Variants in AGFG1 observed in about 807,000 individuals in gnomAD.
AGFG1 encodes the protein ArfGAP with FG repeats 1, also known as arf-GAP domain and FG repeat-containing protein 1.
AGFG1 carries 10 observed loss-of-function variants against 60.6 expected under a neutral mutation model. The ratio of observed to expected loss-of-function variants is 0.16; its 90% confidence interval spans 0.10 to 0.28. The LOEUF is 0.28. AGFG1 is among the 10% of genes least tolerant of loss of function. The pLI, the probability that AGFG1 is intolerant of heterozygous loss-of-function variation, is 1.00. For missense variants in AGFG1, 537 were observed against 676.5 expected (o/e 0.79, Z 2.29); for synonymous variants, 247 against 242.9 (o/e 1.02, Z -0.16).
At chr2:227,533,411 A>T (rs368411276) in intron 6 of AGFG1, 138 bp from the exon 7 acceptor site, 3 of 782,520 alleles carry the variant, frequency 3.8e-6, no homozygotes, top group East Asian at 5.4e-5. Context: ...TGTAGTCAAA[A>T]GCCATTGCCA....
chr2:227,507,820 C>A (rs1308094819), intron 2 of AGFG1, among the ~76,000 whole-genome samples: 1 of 151,998 alleles, frequency 6.6e-6, no homozygotes, highest in Non-Finnish European at 1.5e-5. Context: ...ACATTTCCAA[C>A]AGCAAGCAAT....
chr2:227,473,704 C>A (rs971354180), intron 1 of AGFG1, among the ~76,000 whole-genome samples: 1 of 152,062 alleles, frequency 6.6e-6, no homozygotes, highest in Non-Finnish European at 1.5e-5. Flanking sequence ...AAAACCTTTG[C>A]TTGTAAGATT....
chr2:227,478,778 T>C (rs1453742551), intron 1 of AGFG1, among the ~76,000 whole-genome samples: 2 of 152,260 alleles, frequency 1.3e-5, no homozygotes, highest in Non-Finnish European at 2.9e-5. Context: ...AGCATTTTAA[T>C]GTACTTATAA....
chr2:227,529,280 TA>T (rs1202707030), intron 5 of AGFG1, among the ~76,000 whole-genome samples: 1 of 152,156 alleles, frequency 6.6e-6, no homozygotes, highest in Non-Finnish European at 1.5e-5. Flanking sequence ...TAGTTTTCCA[TA>T]TATAGTTCAG....
At chr2:227,546,732 C>T (rs908252408) in intron 10 of AGFG1, among the ~76,000 whole-genome samples, 7 of 152,106 alleles carry the variant, frequency 4.6e-5, no homozygotes, top group African/African-American at 1.7e-4. Context: ...TAGTGTTTTT[C>T]CCCCCTCAGA....
In AGFG1 at chr2:227,495,675, C is replaced by T. The variant is rs1323936500; in HGVS notation, c.261+4035C>T. Among the ~76,000 whole-genome samples, 87 of 151,948 alleles carry T rather than the reference C, an allele frequency of 5.7e-4. 1 individual carries two copies. Among genetic ancestry groups the T allele is most frequent in the Admixed American group, 5.7e-3 (87 of 15,244 alleles). On this transcript the variant is annotated intron_variant, in intron 2 of 12. Transcript: ENST00000310078. Reference sequence around the variant, plus strand: ...GATTATAAAGTTAACGGAAGGTGGACTGGTGAACACTGCTGTAAGTAGATA... The same window carrying T: ...GATTATAAAGTTAACGGAAGGTGGATTGGTGAACACTGCTGTAAGTAGATA...
At position 227,559,890 on chromosome 2, in the gene AGFG1, CT is replaced by C. The variant is rs992564932; in HGVS notation, c.*5398del. ...TGGTTACAATCAGGTTTTTTAAAGA[CT>C]TTAAAGGTTTTTTGTATGCTATAAT... is the stretch of plus-strand genomic sequence containing the variant. On this transcript the variant is annotated 3_prime_UTR_variant, in exon 13 of 13. Transcript: ENST00000310078. 11 of 151,974 alleles carry C rather than the reference CT, an allele frequency of 7.2e-5. No homozygotes were observed. Among genetic ancestry groups the C allele is most frequent in the Non-Finnish European group, 1.0e-4 (7 of 67,974 alleles). 9.4% of individuals were successfully genotyped at this position (151,974 alleles called of 1,614,324 possible).
chr2:227,531,998 T>C (rs1692176652), intron 6 of AGFG1: 1 of 586,622 alleles, frequency 1.7e-6, no homozygotes, highest in South Asian at 2.4e-5. Context: ...CGTAAACTCA[T>C]GGAACCCTTA....
chr2:227,539,946 A>G (rs1023035657), intron 10 of AGFG1, among the ~76,000 whole-genome samples: 6 of 151,826 alleles, frequency 4.0e-5, no homozygotes, highest in African/African-American at 1.2e-4. Flanking sequence ...AGCGATTCTC[A>G]TGACTCAGCC....
At chr2:227,527,560 G>A (rs1208801690) in intron 5 of AGFG1, among the ~76,000 whole-genome samples, 1 of 152,150 alleles carries the variant, frequency 6.6e-6, no homozygotes, top group African/African-American at 2.4e-5. Flanking sequence ...CTTAAACAGT[G>A]TAAAAGCATA....
chr2:227,494,800 TG>T (rs1690928165), intron 2 of AGFG1, among the ~76,000 whole-genome samples: 1 of 152,208 alleles, frequency 6.6e-6, no homozygotes, highest in Non-Finnish European at 1.5e-5. Context: ...AAGAAAGTCA[TG>T]CTCCAAGCCC....
chr2:227,488,412 G>A (rs1690702835), intron 1 of AGFG1, among the ~76,000 whole-genome samples: 1 of 152,234 alleles, frequency 6.6e-6, no homozygotes, highest in Non-Finnish European at 1.5e-5. Flanking sequence ...TACGGGTATA[G>A]TTGTTTGCTC....
In AGFG1 at chr2:227,536,929, T is replaced by C; in HGVS notation, c.1314T>C (p.Ala438=). The C allele has an allele frequency of 6.2e-7, 1 of 1,612,884 alleles. No individual in the cohort carries two copies. The highest frequency in any genetic ancestry group is 8.5e-7 in the Non-Finnish European group (1 of 1,179,266). ...GATPSTNPFV[A]AAGPSVASST... is the part of the protein sequence containing the mutation. ...CGCCTTCCACAAATCCATTTGTTGC[T>C]GCTGCTGGTCCTTCTGTGGCATCTT... The change falls in exon 10 of 13, where the codon GCT becomes GCC. Residue 438 remains alanine (A), a synonymous_variant. Transcript: ENST00000310078.
chr2:227,539,280 T>TA (rs1231922177), intron 10 of AGFG1, among the ~76,000 whole-genome samples: 1 of 151,822 alleles, frequency 6.6e-6, no homozygotes, highest in African/African-American at 2.4e-5. Flanking sequence ...CTGTCTCTAC[T>TA]AAAAATGCAA....
intron 5 of AGFG1, among the ~76,000 whole-genome samples, chr2:227,529,475 T>C (rs1444595116): frequency 1.3e-5 from 2 of 152,100 alleles, no homozygotes; most frequent in Non-Finnish European, 2.9e-5. Flanking sequence ...TTTTCTTTTG[T>C]AGATAATTTA....
intron 3 of AGFG1, among the ~76,000 whole-genome samples, chr2:227,521,902 T>C (rs924878087): frequency 6.6e-6 from 1 of 152,216 alleles, no homozygotes; most frequent in African/African-American, 2.4e-5. Context: ...ATAAGAGTTA[T>C]ACAAATAGAG....
intron 10 of AGFG1, among the ~76,000 whole-genome samples, chr2:227,539,746 CAAAAA>C (rs71039604): frequency 1.5e-5 from 1 of 65,560 alleles, no homozygotes; most frequent in Non-Finnish European, 3.1e-5. Flanking sequence ...CTCTAGCTCA[CAAAAA>C]AAAAAAAAAA....
In AGFG1 at chr2:227,523,880, G is replaced by A; in HGVS notation, c.495G>A (p.Gly165=). The A allele has an allele frequency of 6.2e-7, 1 of 1,613,806 alleles. No homozygotes were observed. Among genetic ancestry groups the A allele is most frequent in the Non-Finnish European group, 8.5e-7 (1 of 1,179,920 alleles). The change falls in exon 4 of 13, where the codon GGG becomes GGA. Residue 165 remains glycine, a synonymous_variant. Transcript: ENST00000310078. Reference sequence around the variant, plus strand: ...TCAAACCACTGAAATCTCTTTTAGGGGATTCTGCACCAACACTGCACTTAA... The same window carrying A: ...TCAAACCACTGAAATCTCTTTTAGGAGATTCTGCACCAACACTGCACTTAA... The part of the protein sequence containing the change: ...PEVKPLKSLL[G]DSAPTLHLNK...
At chr2:227,553,936 C>A in intron 12 of AGFG1, 141 bp downstream of exon 12, 1 of 614,488 alleles carries the variant, frequency 1.6e-6, no homozygotes. Flanking sequence ...CAAATTGACA[C>A]AGAGCCATTA....
Sources: gnomAD v4.1 joint callset for allele counts (sites outside exome capture counted in the v4.1 genomes callset) on GRCh38, gnomAD v4.1.1 for gene constraint, MANE v1.5 for transcripts, NCBI Gene and HGNC (gene_info 2026-07-23, HGNC 2026-07-21) for gene names.